Variants in ADGB observed in about 807,000 individuals in gnomAD.
ADGB encodes calpain-7-like protein.
A neutral mutation model predicts 210.5 loss-of-function variants in ADGB; 172 were observed. The ratio of observed to expected loss-of-function variants is 0.82; its 90% CI spans 0.72 to 0.93. ADGB has a LOEUF of 0.93. Among genes scored for constraint, ADGB ranks in the 40% least tolerant of loss-of-function variants. The pLI is 0.00. For missense variants in ADGB, 2,025 were observed against 1,964.8 expected, an observed-to-expected ratio of 1.03 and a Z score of -0.58; for synonymous variants, 658 against 662.7, an observed-to-expected ratio of 0.99 and a Z score of 0.11.
intron 27 of ADGB, among the ~76,000 whole-genome samples, chr6:146,759,009 T>A (rs1432169212): frequency 6.6e-6 from 1 of 151,982 alleles, no homozygotes; most frequent in African/African-American, 2.4e-5. Context: ...AGACACTGAA[T>A]TTAAAAATAA....
In ADGB at chr6:146,676,383, A is replaced by C. The variant is rs896410561; in HGVS notation, c.1158A>C (p.Ser386=). 1.3e-6 allele frequency: 2 copies of C among 1,548,968 alleles called. No individual in the cohort carries two copies. The highest frequency in any genetic ancestry group is 1.7e-6 in the Non-Finnish European group (2 of 1,145,356). Residue 386 remains serine, a synonymous_variant, in exon 9 of 36, where the codon TCA becomes TCC. Transcript: ENST00000397944. ...KDGEKEKFKF[S]LHGSRPSSEV... The stretch of plus-strand genomic sequence containing the variant: ...GAGAAAAAGAAAAATTCAAATTCTC[A>C]CTTCATGGTTCAAGACCCTCATCAG...
At chr6:146,811,701 T>C (rs1343771912) in intron 35 of ADGB, among the ~76,000 whole-genome samples, 1 of 152,190 alleles carries the variant, frequency 6.6e-6, no homozygotes, top group Non-Finnish European at 1.5e-5. Context: ...AGATGGACTC[T>C]CCCTCTGTCT....
At chr6:146,648,619 C>A (rs780069071) in intron 3 of ADGB, among the ~76,000 whole-genome samples, 18 of 152,014 alleles carry the variant, frequency 1.2e-4, no homozygotes, top group Non-Finnish European at 1.6e-4. Context: ...ATGATGAGAA[C>A]AGCAAGGAAG....
At chr6:146,682,610 T>C (rs1776172806) in intron 9 of ADGB, among the ~76,000 whole-genome samples, 1 of 152,124 alleles carries the variant, frequency 6.6e-6, no homozygotes, top group Non-Finnish European at 1.5e-5. Context: ...GTCTGTACCA[T>C]TCATAGTTCA....
chr6:146,772,557 C>A, intron 29 of ADGB, among the ~76,000 whole-genome samples: 1 of 146,960 alleles, frequency 6.8e-6, no homozygotes, highest in African/African-American at 2.5e-5. Flanking sequence ...ATTTGTGTCT[C>A]TGATAGAGGG....
chr6:146,724,494 C>A, intron 18 of ADGB, 167 bp downstream of exon 18: 1 of 611,412 alleles, frequency 1.6e-6, no homozygotes, highest in Non-Finnish European at 2.6e-6. Context: ...TTCCAAAAAA[C>A]TACATTGAGA....
rs1778154097 is a variant in ADGB at position 146,802,914 on chromosome 6, G to T, written c.4818+903G>T. On this transcript the variant is annotated intron_variant, in intron 35 of 35. Transcript: ENST00000397944. ...CCACTTAATTGTTGTTTTAAAATTT[G>T]AATATTTCCATCATTTAAAATTTGT... is the stretch of plus-strand genomic sequence containing the variant. 1.9e-6 allele frequency: 3 copies of T among 1,610,472 alleles called. No homozygotes were observed. In the South Asian group the frequency reaches 3.3e-5, roughly 18 times the overall value.
chr6:146,700,363 C>A (rs1459675536), intron 12 of ADGB, among the ~76,000 whole-genome samples: 1 of 152,112 alleles, frequency 6.6e-6, no homozygotes, highest in East Asian at 1.9e-4. Flanking sequence ...GAAAAAATAT[C>A]CAAGTTGATG....
At chr6:146,616,297 A>G (rs922611478) in intron 1 of ADGB, among the ~76,000 whole-genome samples, 17 of 146,796 alleles carry the variant, frequency 1.2e-4, no homozygotes, top group Non-Finnish European at 2.4e-4. Context: ...TGAGTTGTTT[A>G]AGTTTTCTAT....
intron 3 of ADGB, among the ~76,000 whole-genome samples, 190 bp downstream of exon 3, chr6:146,645,055 C>A (rs1451529879): frequency 6.6e-6 from 1 of 151,928 alleles, no homozygotes; most frequent in Non-Finnish European, 1.5e-5. Flanking sequence ...CTTGTACTGG[C>A]TTCTAAGAGA....
At position 146,701,087 on chromosome 6, in the gene ADGB, T is replaced by C; in HGVS notation, c.1707+17T>C. ...ACATCTCAGGTGACTATGTTACTCT[T>C]ACTGTTGGCCCAACTCTTAATGAGA... On this transcript the variant is annotated intron_variant, in intron 13 of 35. Transcript: ENST00000397944. The C allele has an allele frequency of 6.5e-7, 1 of 1,548,990 alleles. No individual in the cohort carries two copies. Among genetic ancestry groups the C allele is most frequent in the Non-Finnish European group, 8.7e-7 (1 of 1,145,874 alleles).
At chr6:146,740,289 C>T (rs1315567364) in intron 23 of ADGB, among the ~76,000 whole-genome samples, 170 bp from the exon 24 acceptor site, 2 of 152,194 alleles carry the variant, frequency 1.3e-5, no homozygotes, top group Non-Finnish European at 2.9e-5. Context: ...GTCCCCTTCT[C>T]TTGGCACCAT....
At chr6:146,727,469 T>G (rs1218744446) in intron 19 of ADGB, among the ~76,000 whole-genome samples, 1 of 152,248 alleles carries the variant, frequency 6.6e-6, no homozygotes, top group East Asian at 1.9e-4. Context: ...TTATCTTGCT[T>G]ATTTCAAGTT....
At chr6:146,711,500 C>CA (rs1776655834) in intron 13 of ADGB, among the ~76,000 whole-genome samples, 1 of 152,032 alleles carries the variant, frequency 6.6e-6, no homozygotes. Flanking sequence ...TCTCTTCTTT[C>CA]ATGGTTTAAA....
intron 2 of ADGB, among the ~76,000 whole-genome samples, chr6:146,642,671 A>G (rs1231093344): frequency 6.6e-6 from 1 of 152,034 alleles, no homozygotes; most frequent in Non-Finnish European, 1.5e-5. Context: ...AAAAAACCAA[A>G]TACCACACAT....
At position 146,629,375 on chromosome 6, in the gene ADGB, G is replaced by A. The variant is rs920930821; in HGVS notation, c.75-6000G>A. On this transcript the variant is annotated intron_variant, in intron 1 of 35. Transcript: ENST00000397944. ...ATATTGTGTGTATAACACTGTAGGT[G>A]ATCTATTGGGCTAGTAGGAGACACC... Among the ~76,000 whole-genome samples the A allele has an allele frequency of 2.0e-5, 3 of 152,272 alleles. No individual in the cohort carries two copies. The South Asian group carries it at 6.2e-4, about 32-fold the overall frequency.
chr6:146,622,260 A>G (rs1361057958), intron 1 of ADGB, among the ~76,000 whole-genome samples: 1 of 152,126 alleles, frequency 6.6e-6, no homozygotes, highest in African/African-American at 2.4e-5. Flanking sequence ...ATTCTGTAGC[A>G]AAGACGTTCT....
rs549361953 is a variant in ADGB at position 146,698,074 on chromosome 6, G to A, written c.1578-2867G>A. The stretch of plus-strand genomic sequence containing the variant: ...TATGGTGTTGGAAGTAACCAATGTG[G>A]TTATCTGTGGTGAGGAGAGTTGGCC... On this transcript the variant is annotated intron_variant, in intron 12 of 35. Coordinates refer to ENST00000397944, the MANE Select transcript of ADGB (RefSeq NM_024694.4). Among the ~76,000 whole-genome samples, 7 of 152,248 alleles carry A rather than the reference G, an allele frequency of 4.6e-5. No homozygotes were observed. The East Asian group carries it at 1.4e-3, about 29-fold the overall frequency.
intron 32 of ADGB, among the ~76,000 whole-genome samples, chr6:146,787,189 A>G (rs1213633591): frequency 1.3e-5 from 2 of 152,196 alleles, no homozygotes; most frequent in Non-Finnish European, 2.9e-5. Flanking sequence ...TAGAACACAC[A>G]TACAATAAAA....
Sources: allele counts gnomAD v4.1 joint callset (sites outside exome capture counted in the v4.1 genomes callset), GRCh38; gene constraint gnomAD v4.1.1; transcripts MANE v1.5; gene names NCBI Gene and HGNC (gene_info 2026-07-23, HGNC 2026-07-21).